COMMD1: variants seen among roughly 807,000 people sequenced by gnomAD.
COMMD1 encodes copper metabolism domain containing 1.
A neutral mutation model predicts 17.2 loss-of-function variants in COMMD1; 10 were observed. The observed-to-expected ratio is 0.58, with a 90% CI of 0.36 to 0.99. The LOEUF is 0.99. COMMD1 is among the 50% of genes least tolerant of loss of function. The pLI, the probability that COMMD1 is intolerant of heterozygous loss-of-function variation, is 0.01. For synonymous variants in COMMD1, 97 were observed against 91.6 expected (o/e 1.06, Z -0.34); for missense variants, 270 against 231.8 (o/e 1.17, Z -1.07).
At chr2:62,133,270 C>A (rs906585300) in intron 2 of COMMD1, among the ~76,000 whole-genome samples, 1 of 152,148 alleles carries the variant, frequency 6.6e-6, no homozygotes, top group African/African-American at 2.4e-5. Context: ...AGCTTAGCAG[C>A]TTAGCAACAG....
At chr2:62,115,775 A>G (rs1327836914) in intron 2 of COMMD1, among the ~76,000 whole-genome samples, 1 of 151,936 alleles carries the variant, frequency 6.6e-6, no homozygotes, top group African/African-American at 2.4e-5. Flanking sequence ...ACAATGGAAC[A>G]ATTGGTGAAT....
intron 2 of COMMD1, among the ~76,000 whole-genome samples, chr2:62,025,750 A>T (rs1669737596): frequency 6.6e-6 from 1 of 152,132 alleles, no homozygotes; most frequent in South Asian, 2.1e-4. Context: ...ATACAGTGGC[A>T]TGATCTTGGC....
intron 1 of COMMD1, among the ~76,000 whole-genome samples, chr2:61,961,081 C>T (rs1304293426): frequency 1.3e-5 from 2 of 152,194 alleles, no homozygotes; most frequent in South Asian, 2.1e-4. Context: ...GGGAGCCCCA[C>T]GTTGGAGCAC....
intron 1 of COMMD1, among the ~76,000 whole-genome samples, chr2:61,993,563 A>C (rs966723175): frequency 6.6e-6 from 1 of 152,214 alleles, no homozygotes; most frequent in African/African-American, 2.4e-5. Context: ...CACTGATTCA[A>C]GATGTGGAAG....
At chr2:61,995,622 T>C (rs1215727589) in intron 1 of COMMD1, among the ~76,000 whole-genome samples, 1 of 152,188 alleles carries the variant, frequency 6.6e-6, no homozygotes, top group Non-Finnish European at 1.5e-5. Context: ...AGTTTACATT[T>C]TTTTCAGTGG....
At chr2:62,032,228 G>C (rs764801281) in intron 2 of COMMD1, among the ~76,000 whole-genome samples, 1 of 152,152 alleles carries the variant, frequency 6.6e-6, no homozygotes, top group Non-Finnish European at 1.5e-5. Context: ...CTTCAAATCT[G>C]ACTGTGCCAG....
chr2:62,047,029 CA>C (rs1670402239), intron 2 of COMMD1, among the ~76,000 whole-genome samples: 1 of 152,180 alleles, frequency 6.6e-6, no homozygotes, highest in South Asian at 2.1e-4. Flanking sequence ...TGCCAGATAC[CA>C]AAAAGTATTC....
intron 2 of COMMD1, among the ~76,000 whole-genome samples, chr2:62,015,934 G>A (rs1363313685): frequency 6.6e-6 from 1 of 151,908 alleles, no homozygotes; most frequent in East Asian, 1.9e-4. Context: ...CCAAGTTCAA[G>A]TCATTCTCTT....
intron 1 of COMMD1, among the ~76,000 whole-genome samples, chr2:61,892,364 A>G (rs1055761591): frequency 1.3e-5 from 2 of 152,044 alleles, no homozygotes; most frequent in African/African-American, 4.8e-5. Context: ...ACCCTCAATA[A>G]TAGGACTGAG....
chr2:61,907,782 C>T (rs1669809625), intron 1 of COMMD1, among the ~76,000 whole-genome samples: 1 of 152,074 alleles, frequency 6.6e-6, no homozygotes, highest in South Asian at 2.1e-4. Flanking sequence ...CCTCCGCCTC[C>T]CGGGTTCAGG....
At chr2:62,010,341 C>G (rs1192688505) in intron 2 of COMMD1, among the ~76,000 whole-genome samples, 1 of 151,990 alleles carries the variant, frequency 6.6e-6, no homozygotes, top group Non-Finnish European at 1.5e-5. Flanking sequence ...TCCTTCTAAT[C>G]CTCACAACAT....
intron 1 of COMMD1, among the ~76,000 whole-genome samples, chr2:61,896,608 A>G (rs1669553519): frequency 6.6e-6 from 1 of 152,048 alleles, no homozygotes; most frequent in Admixed American, 6.5e-5. Context: ...TGATCTTGTT[A>G]TTACTCCTCT....
At chr2:61,973,084 T>C (rs1184131679) in intron 1 of COMMD1, among the ~76,000 whole-genome samples, 2 of 152,204 alleles carry the variant, frequency 1.3e-5, no homozygotes, top group African/African-American at 4.8e-5. Flanking sequence ...GCTTTATCCA[T>C]GCTGATAGAT....
chr2:61,948,641 A>G (rs1670975469), intron 1 of COMMD1, among the ~76,000 whole-genome samples: 1 of 152,186 alleles, frequency 6.6e-6, no homozygotes, highest in Non-Finnish European at 1.5e-5. Flanking sequence ...TCTTTGCCTC[A>G]CTTTATTTTT....
chr2:61,973,770 A>G (rs1310053167), intron 1 of COMMD1, among the ~76,000 whole-genome samples: 1 of 152,166 alleles, frequency 6.6e-6, no homozygotes, highest in African/African-American at 2.4e-5. Context: ...GGTTATTTTT[A>G]TCTTTTGCTA....
chr2:62,079,929 G>C (rs1671471762), intron 2 of COMMD1: 1 of 152,154 alleles, frequency 6.6e-6, no homozygotes, highest in Non-Finnish European at 1.5e-5. Flanking sequence ...TGAAGCACTG[G>C]AAAGTATTAT....
intron 2 of COMMD1, among the ~76,000 whole-genome samples, chr2:62,040,690 G>A (rs1368372500): frequency 6.6e-6 from 1 of 152,060 alleles, no homozygotes; most frequent in Non-Finnish European, 1.5e-5. Context: ...TTTAGTACAG[G>A]AATTTTTCTT....
At chr2:62,044,712 G>C (rs1573110073) in intron 2 of COMMD1, among the ~76,000 whole-genome samples, 1 of 151,650 alleles carries the variant, frequency 6.6e-6, no homozygotes, top group East Asian at 1.9e-4. Flanking sequence ...CAGTGTCAAA[G>C]AAAATTGAAA....
intron 2 of COMMD1, among the ~76,000 whole-genome samples, chr2:62,066,637 G>C (rs1410347848): frequency 6.6e-6 from 1 of 151,328 alleles, no homozygotes. Context: ...TCCTGACCTC[G>C]TGATCTGCCC....
Sources: allele counts gnomAD v4.1 joint callset (sites outside exome capture counted in the v4.1 genomes callset), GRCh38; gene constraint gnomAD v4.1.1; transcripts MANE v1.5; gene names NCBI Gene and HGNC (gene_info 2026-07-23, HGNC 2026-07-21).